LRMDA: variants seen among roughly 807,000 people sequenced by gnomAD.
The protein encoded by LRMDA is leucine-rich melanocyte differentiation-associated protein.
Under a neutral mutation model 29.8 loss-of-function variants are expected in LRMDA, and 18 were observed. That is an observed-to-expected ratio of 0.60 (90% CI 0.42 to 0.90). The LOEUF (loss-of-function observed/expected upper bound fraction) is 0.90. Among genes scored for constraint, LRMDA ranks in the 40% least tolerant of loss-of-function variants. The probability of loss-of-function intolerance (pLI) is 0.00; values close to 1 mark genes in which losing one functional copy is unlikely to be tolerated. For missense variants in LRMDA, 273 were observed against 273.9 expected (o/e 1.00, Z 0.02); for synonymous variants, 125 against 109.4 (o/e 1.14, Z -0.89).
chr10:76,530,513 G>T (rs140085201), intron 6 of LRMDA, among the ~76,000 whole-genome samples: 57 of 152,260 alleles, frequency 3.7e-4, no homozygotes, highest in East Asian at 1.5e-3. Flanking sequence ...CAAGTGATGA[G>T]AATAATCTAT....
chr10:75,522,044 CTG>C (rs1358818134), intron 2 of LRMDA, among the ~76,000 whole-genome samples: 3 of 152,142 alleles, frequency 2.0e-5, no homozygotes, highest in African/African-American at 7.2e-5. Flanking sequence ...GCATTGTTAA[CTG>C]TTTTACTGGG....
chr10:75,711,971 AT>A, intron 2 of LRMDA, among the ~76,000 whole-genome samples: 1 of 152,176 alleles, frequency 6.6e-6, no homozygotes, highest in South Asian at 2.1e-4. Context: ...ATACATATAT[AT>A]ATAACTTGAA....
At chr10:76,484,447 T>C (rs569716905) in intron 6 of LRMDA, among the ~76,000 whole-genome samples, 2 of 152,032 alleles carry the variant, frequency 1.3e-5, no homozygotes, top group East Asian at 3.9e-4. Flanking sequence ...GAACATGATA[T>C]GGCTTTCTAT....
intron 5 of LRMDA, among the ~76,000 whole-genome samples, chr10:76,209,898 A>G (rs1425780014): frequency 6.6e-6 from 1 of 152,126 alleles, no homozygotes; most frequent in Non-Finnish European, 1.5e-5. Flanking sequence ...CATTTGACTT[A>G]TTTTCCACTG....
Position 76,540,091 on chromosome 10 carries a change from TTACA to T in LRMDA, c.602-17115_602-17112del, listed in dbSNP as rs1377717895. Among the ~76,000 whole-genome samples, 20 of 148,396 alleles carry T rather than the reference TTACA, an allele frequency of 1.3e-4. No individual in the cohort carries two copies. In the Admixed American group the frequency reaches 1.4e-3, roughly 10 times the overall value. On this transcript the variant is annotated intron_variant, in intron 6 of 6. Transcript: ENST00000611255. ...TAGTATGTGTATTGTATAACACAAC[TTACA>T]TAAAGACACACAGAAGACACACACA...
chr10:76,522,246 A>T (rs2637249), intron 6 of LRMDA, among the ~76,000 whole-genome samples: 53,655 of 152,026 alleles, frequency 0.35, 10,073 homozygotes, highest in Middle Eastern at 0.54. Flanking sequence ...ATTTTCAGAG[A>T]TTGCTCATAG....
chr10:76,514,434 C>G (rs149212666), intron 6 of LRMDA, among the ~76,000 whole-genome samples: 2 of 152,118 alleles, frequency 1.3e-5, no homozygotes, highest in African/African-American at 4.8e-5. Flanking sequence ...GATGTCAAGA[C>G]GGACAATGCC....
intron 2 of LRMDA, among the ~76,000 whole-genome samples, chr10:75,672,568 T>A (rs75759733): frequency 7.0e-4 from 2 of 2,850 alleles, no homozygotes; most frequent in East Asian, 0.083. Flanking sequence ...CCCCTCCCCT[T>A]CCCTTCCCTT....
intron 4 of LRMDA, among the ~76,000 whole-genome samples, chr10:76,048,096 A>G (rs1453653163): frequency 6.6e-6 from 1 of 152,168 alleles, no homozygotes; most frequent in East Asian, 1.9e-4. Flanking sequence ...TGACCTTTTC[A>G]TGGACCTCTC....
At chr10:75,773,196 G>T (rs185541777) in intron 2 of LRMDA, among the ~76,000 whole-genome samples, 1 of 152,238 alleles carries the variant, frequency 6.6e-6, no homozygotes, top group East Asian at 1.9e-4. Flanking sequence ...CACATCCTTT[G>T]TGACAATTAA....
chr10:76,254,086 T>C (rs1260190810), intron 5 of LRMDA, among the ~76,000 whole-genome samples: 1 of 152,192 alleles, frequency 6.6e-6, no homozygotes. Flanking sequence ...AGTGACTTCT[T>C]AAAATCTGAA....
At chr10:75,857,767 T>C (rs1189712208) in intron 2 of LRMDA, among the ~76,000 whole-genome samples, 1 of 152,168 alleles carries the variant, frequency 6.6e-6, no homozygotes, top group Non-Finnish European at 1.5e-5. Context: ...AAGCACCAAA[T>C]GAGCTGAACA....
At chr10:75,786,463 C>T (rs1843474237) in intron 2 of LRMDA, among the ~76,000 whole-genome samples, 1 of 152,016 alleles carries the variant, frequency 6.6e-6, no homozygotes, top group Non-Finnish European at 1.5e-5. Flanking sequence ...TATCCTTACC[C>T]CTCTCTAGTT....
chr10:75,937,461 TG>T (rs1405381911), intron 2 of LRMDA, among the ~76,000 whole-genome samples: 4 of 152,204 alleles, frequency 2.6e-5, no homozygotes, highest in African/African-American at 4.8e-5. Flanking sequence ...CACTGGCACG[TG>T]GCTGTTTTCA....
At chr10:75,754,536 C>T (rs1843006603) in intron 2 of LRMDA, among the ~76,000 whole-genome samples, 2 of 152,118 alleles carry the variant, frequency 1.3e-5, no homozygotes, top group African/African-American at 4.8e-5. Context: ...CGCCTAACTG[C>T]ACGGGGTGAA....
At chr10:75,780,093 T>A (rs1255290775) in intron 2 of LRMDA, among the ~76,000 whole-genome samples, 1 of 152,106 alleles carries the variant, frequency 6.6e-6, no homozygotes, top group Non-Finnish European at 1.5e-5. Flanking sequence ...CACCAGGAAT[T>A]GGAAGAGCCA....
At chr10:75,656,156 G>A (rs1054248563) in intron 2 of LRMDA, among the ~76,000 whole-genome samples, 2 of 152,112 alleles carry the variant, frequency 1.3e-5, no homozygotes, top group Non-Finnish European at 1.5e-5. Context: ...TATTTTATCC[G>A]AAAGTACTTG....
chr10:75,631,394 C>A (rs573091373), intron 2 of LRMDA, among the ~76,000 whole-genome samples: 1 of 151,090 alleles, frequency 6.6e-6, no homozygotes, highest in Non-Finnish European at 1.5e-5. Context: ...AGGCAGTGAA[C>A]CTCACTGCAC....
intron 5 of LRMDA, among the ~76,000 whole-genome samples, chr10:76,324,006 C>T (rs943683590): frequency 1.3e-5 from 2 of 152,190 alleles, no homozygotes; most frequent in Non-Finnish European, 2.9e-5. Flanking sequence ...GGGGGCAGAG[C>T]TTAACCTCTT....
Sources: allele counts gnomAD v4.1 joint callset (sites outside exome capture counted in the v4.1 genomes callset), GRCh38; gene constraint gnomAD v4.1.1; transcripts MANE v1.5; gene names NCBI Gene and HGNC (gene_info 2026-07-23, HGNC 2026-07-21).